The following PCDHGA9 variants were observed in gnomAD, a reference collection of about 807,000 sequenced individuals.
PCDHGA9 encodes the protein protocadherin gamma subfamily A, 9, also known as protocadherin gamma-A9.
A neutral mutation model predicts 62.5 loss-of-function variants in PCDHGA9; 37 were observed. That is an observed-to-expected ratio of 0.59 (90% CI 0.46 to 0.78). PCDHGA9 has a LOEUF of 0.78. Ranked by LOEUF, PCDHGA9 falls within the 30% of genes least tolerant of loss-of-function variation. The pLI, the probability that PCDHGA9 is intolerant of heterozygous loss-of-function variation, is 0.00. For synonymous variants in PCDHGA9, 459 were observed against 484.6 expected (o/e 0.95, Z 0.69); for missense variants, 1,138 against 1,166.2 (o/e 0.98, Z 0.35).
In PCDHGA9 at chr5:141,486,858, C is replaced by T. The variant is rs2099636039; in HGVS notation, c.2425-7949C>T. The T allele has an allele frequency of 2.5e-6, 4 of 1,614,246 alleles. No homozygotes were observed. The highest frequency in any genetic ancestry group is 1.1e-5 in the South Asian group (1 of 91,088). On this transcript the variant is annotated intron_variant, in intron 1 of 3. Transcript: ENST00000573521. The surrounding 1 kb of genome is among the most constrained non-coding windows in gnomAD (Gnocchi z 5.0). ...TTTGTGCTGGACCTCAATGACAATGCTCCAGCTGTGCTCCGTCCTCGGGCC... is the reference window on the plus strand; with the variant it reads ...TTTGTGCTGGACCTCAATGACAATGTTCCAGCTGTGCTCCGTCCTCGGGCC...
chr5:141,452,749 G>A (rs1453824335), intron 1 of PCDHGA9, among the ~76,000 whole-genome samples: 1 of 152,052 alleles, frequency 6.6e-6, no homozygotes, highest in African/African-American at 2.4e-5. Flanking sequence ...AGAGAAGGAA[G>A]AAGGAAGGGA....
At chr5:141,464,189 C>T (rs1215955823) in intron 1 of PCDHGA9, among the ~76,000 whole-genome samples, 1 of 150,620 alleles carries the variant, frequency 6.6e-6, no homozygotes, top group Non-Finnish European at 1.5e-5. Context: ...TGCTTGATTT[C>T]AGGAGGCGGA....
Position 141,485,392 on chromosome 5 carries a change from A to G in PCDHGA9, c.2425-9415A>G. ...AGGTCGCTGGAGAGGTGAACCAAAG[A>G]CACTTCCGTGTGGATTTGGACAGCG... On this transcript the variant is annotated intron_variant, in intron 1 of 3. Coordinates refer to ENST00000573521, the MANE Select transcript of PCDHGA9 (RefSeq NM_018921.3). This position sits in a 1 kb window ranked among gnomAD's most constrained non-coding sequence, Gnocchi z 5.7. 1 of 1,613,918 alleles carries G rather than the reference A, an allele frequency of 6.2e-7. No homozygotes were observed. The highest frequency in any genetic ancestry group is 8.5e-7 in the Non-Finnish European group (1 of 1,179,938).
chr5:141,451,408 T>C (rs1244686397), intron 1 of PCDHGA9, among the ~76,000 whole-genome samples: 1 of 152,204 alleles, frequency 6.6e-6, no homozygotes, highest in Non-Finnish European at 1.5e-5. Flanking sequence ...ATTAAGTTCC[T>C]TGTGGATTGT....
At chr5:141,419,302 C>T in intron 1 of PCDHGA9, 1 of 1,614,024 alleles carries the variant, frequency 6.2e-7, no homozygotes, top group East Asian at 2.2e-5. Context: ...ACCCAGACTT[C>T]GGGCTCAACG....
chr5:141,498,725 A>AGT (rs2099785409), intron 2 of PCDHGA9, among the ~76,000 whole-genome samples: 1 of 152,150 alleles, frequency 6.6e-6, no homozygotes, highest in Non-Finnish European at 1.5e-5. Flanking sequence ...TGAGGTCAGG[A>AGT]GTTTGAGACC....
chr5:141,461,323 T>C (rs2099013372), intron 1 of PCDHGA9, among the ~76,000 whole-genome samples: 1 of 152,176 alleles, frequency 6.6e-6, no homozygotes, highest in African/African-American at 2.4e-5. Context: ...TTTTTAATAA[T>C]GGCCATTCTT....
At chr5:141,413,034 G>C in intron 1 of PCDHGA9, 1 of 783,270 alleles carries the variant, frequency 1.3e-6, no homozygotes, top group East Asian at 2.8e-5. Context: ...CAAACCGGCT[G>C]CTGGGCTGCA....
At chr5:141,474,803 T>C (rs1383027398) in intron 1 of PCDHGA9, among the ~76,000 whole-genome samples, 1 of 152,250 alleles carries the variant, frequency 6.6e-6, no homozygotes, top group Non-Finnish European at 1.5e-5. Context: ...ATGGAGTGGT[T>C]TGCATCATTA....
Position 141,447,955 on chromosome 5 carries a change from G to A in PCDHGA9, c.2424+42579G>A, listed in dbSNP as rs536740280. On this transcript the variant is annotated intron_variant, in intron 1 of 3. Coordinates refer to ENST00000573521, the MANE Select transcript of PCDHGA9 (RefSeq NM_018921.3). ...ACAAAAATTAGCTGGGCATGGTGGC[G>A]GACACCTATAATCCCAGCTACTCGG... Among the ~76,000 whole-genome samples the A allele has an allele frequency of 1.6e-4, 24 of 151,898 alleles. 1 individual carries two copies. The highest frequency in any genetic ancestry group is 8.3e-4 in the South Asian group (4 of 4,816).
rs61612330 is a variant in PCDHGA9, at chr5:141,454,796, A to ATTTTTTTTTTTTTTTTTTTTTTTTTT, written c.2425-40007_2425-39982dup. Among the ~76,000 whole-genome samples, 3 of 77,456 alleles carry ATTTTTTTTTTTTTTTTTTTTTTTTTT rather than the reference A, an allele frequency of 3.9e-5. 1 individual carries two copies. The highest frequency in any genetic ancestry group is 1.2e-4 in the African/African-American group (2 of 16,882). 50.8% of individuals were successfully genotyped at this position (77,456 alleles called of 152,430 possible). A position where few individuals can be genotyped will look rare whatever the true frequency, so the allele number is the denominator to read the frequency against. On this transcript the variant is annotated intron_variant, in intron 1 of 3. Transcript: ENST00000573521. Reference sequence around the variant, plus strand: ...AAGGAAATAATCCTCCATGGTTCTAATTTTTTTTTTTTTTTTTTTTTTTTT... The same window carrying ATTTTTTTTTTTTTTTTTTTTTTTTTT: ...AAGGAAATAATCCTCCATGGTTCTAATTTTTTTTTTTTTTTTTTTTTTTTTTTTTTTTTTTTTTTTTTTTTTTTTTT...
chr5:141,511,361 G>C lies in PCDHGA9; in HGVS notation c.*188G>C, dbSNP rs2099883750. 7.4e-7 allele frequency: 1 copy of C among 1,345,388 alleles called. No individual in the cohort carries two copies. Among genetic ancestry groups the C allele is most frequent in the Non-Finnish European group, 9.9e-7 (1 of 1,006,550 alleles). The allele number at this position is 1,345,388 out of a possible 1,614,324, so 83.3% of individuals were successfully genotyped here. On this transcript the variant is annotated 3_prime_UTR_variant, in exon 4 of 4. Transcript: ENST00000573521. ...CCTACCCCTTCCCCCCCAGGGGGTTGAATATGCAAAAGCAGTTCCGCTGGG... is the reference window on the plus strand; with the variant it reads ...CCTACCCCTTCCCCCCCAGGGGGTTCAATATGCAAAAGCAGTTCCGCTGGG...
chr5:141,501,290 TACACACACACACACACACAC>T (rs55762287), intron 2 of PCDHGA9, among the ~76,000 whole-genome samples: 1 of 136,162 alleles, frequency 7.3e-6, no homozygotes, highest in Non-Finnish European at 1.6e-5. Flanking sequence ...TATTCCCTTA[TACACACACACACACACACAC>T]ACACACACAC....
chr5:141,494,701 C>G, intron 1 of PCDHGA9, 106 bp from the exon 2 acceptor site: 1 of 1,594,596 alleles, frequency 6.3e-7, no homozygotes, highest in Non-Finnish European at 8.6e-7. Context: ...CCGTTTTCTT[C>G]TCTGTGCCCA....
In PCDHGA9 at chr5:141,476,258, G is replaced by A. The variant is rs1247889010; in HGVS notation, c.2425-18549G>A. 1 of 1,614,018 alleles carries A rather than the reference G, an allele frequency of 6.2e-7. No individual in the cohort carries two copies. Among genetic ancestry groups the A allele is most frequent in the South Asian group, 1.1e-5 (1 of 91,066 alleles). Reference sequence around the variant, plus strand: ...GGAAAGAGAGAAGGGTTTCGCTGTGGGCAACGTGGTCGCGAACCTTGGTTT... The same window carrying A: ...GGAAAGAGAGAAGGGTTTCGCTGTGAGCAACGTGGTCGCGAACCTTGGTTT... On this transcript the variant is annotated intron_variant, in intron 1 of 3. Coordinates refer to ENST00000573521, the MANE Select transcript of PCDHGA9 (RefSeq NM_018921.3). This position sits in a 1 kb window ranked among gnomAD's most constrained non-coding sequence, Gnocchi z 7.6.
chr5:141,444,524 A>G (rs563709940), intron 1 of PCDHGA9, among the ~76,000 whole-genome samples: 47 of 152,224 alleles, frequency 3.1e-4, no homozygotes, highest in African/African-American at 1.1e-3. Context: ...AGTAGGTGAG[A>G]CAGTGACTGT....
At chr5:141,460,733 C>T (rs988651750) in intron 1 of PCDHGA9, among the ~76,000 whole-genome samples, 2 of 150,844 alleles carry the variant, frequency 1.3e-5, no homozygotes, top group Non-Finnish European at 3.0e-5. Context: ...CATATATACA[C>T]ATTGTATATA....
At chr5:141,414,481 C>T (rs1011579090) in intron 1 of PCDHGA9, 2 of 1,613,948 alleles carry the variant, frequency 1.2e-6, no homozygotes, top group Non-Finnish European at 1.7e-6. Context: ...AAGTCCTCCT[C>T]TATCAACGGA....
At chr5:141,494,937 G>A (rs759078748) in intron 2 of PCDHGA9, 72 bp downstream of exon 2, 130 of 1,612,276 alleles carry the variant, frequency 8.1e-5, no homozygotes, top group Non-Finnish European at 1.1e-4. Context: ...GAGGAGATGG[G>A]GGAGGGCCCA....
Sources: gnomAD v4.1 joint callset for allele counts (sites outside exome capture counted in the v4.1 genomes callset) on GRCh38, gnomAD v4.1.1 for gene constraint, Gnocchi (gnomAD v3.1) non-coding constraint, MANE v1.5 for transcripts, NCBI Gene and HGNC (gene_info 2026-07-23, HGNC 2026-07-21) for gene names.